HIBADH: variants seen among roughly 807,000 people sequenced by gnomAD.
The protein encoded by HIBADH is 3-hydroxyisobutyrate dehydrogenase, also known as 3-hydroxyisobutyrate dehydrogenase, mitochondrial.
HIBADH carries 25 observed loss-of-function variants against 36.1 expected under a neutral mutation model. The ratio of observed to expected loss-of-function variants is 0.69; its 90% CI spans 0.50 to 0.97. HIBADH has a LOEUF of 0.97. Ranked by LOEUF, HIBADH falls within the 50% of genes least tolerant of loss-of-function variation. The pLI is 0.00. For missense variants in HIBADH, 421 were observed against 418.0 expected (o/e 1.01, Z -0.06); for synonymous variants, 160 against 149.5 (o/e 1.07, Z -0.51).
intron 4 of HIBADH, among the ~76,000 whole-genome samples, chr7:27,628,899 C>T (rs553326242): frequency 1.5e-3 from 233 of 152,124 alleles, no homozygotes; most frequent in Middle Eastern, 0.01. Flanking sequence ...TTCCTCTTTT[C>T]CTGTTCTCTG....
chr7:27,551,389 T>C (rs1035284711), intron 4 of HIBADH, among the ~76,000 whole-genome samples: 15 of 152,322 alleles, frequency 9.8e-5, no homozygotes, highest in African/African-American at 3.4e-4. Flanking sequence ...CATACTAACT[T>C]TGACACTCAA....
chr7:27,660,626 A>G (rs942623891), intron 1 of HIBADH, among the ~76,000 whole-genome samples: 2 of 152,020 alleles, frequency 1.3e-5, no homozygotes, highest in African/African-American at 4.8e-5. Context: ...GATTGCGCCA[A>G]TGCACTCTAG....
intron 5 of HIBADH, among the ~76,000 whole-genome samples, chr7:27,540,404 G>A (rs1375239525): frequency 6.6e-6 from 1 of 152,078 alleles, no homozygotes; most frequent in Non-Finnish European, 1.5e-5. Flanking sequence ...ATTAATCCAA[G>A]ATCCATATCT....
chr7:27,620,954 A>G (rs1047798628), intron 4 of HIBADH, among the ~76,000 whole-genome samples: 2 of 152,144 alleles, frequency 1.3e-5, no homozygotes, highest in African/African-American at 4.8e-5. Flanking sequence ...TGGATTTAAA[A>G]AAAAAAACAA....
intron 4 of HIBADH, among the ~76,000 whole-genome samples, chr7:27,573,515 A>C (rs758125043): frequency 2.0e-5 from 3 of 152,216 alleles, no homozygotes; most frequent in Admixed American, 6.5e-5. Flanking sequence ...TATTCTAACA[A>C]AGTGGCTGAT....
chr7:27,594,167 CAG>C (rs1784990579), intron 4 of HIBADH, among the ~76,000 whole-genome samples: 1 of 126,608 alleles, frequency 7.9e-6, no homozygotes, highest in African/African-American at 2.9e-5. Context: ...TTTTCTGAAA[CAG>C]AGTTTCGCTC....
intron 4 of HIBADH, among the ~76,000 whole-genome samples, chr7:27,544,976 T>C (rs191089442): frequency 3.9e-5 from 6 of 152,342 alleles, no homozygotes; most frequent in African/African-American, 9.6e-5. Context: ...TCTTTCCTCA[T>C]ATTGATGTGG....
At chr7:27,645,136 T>C (rs1265255947) in intron 2 of HIBADH, among the ~76,000 whole-genome samples, 2 of 152,182 alleles carry the variant, frequency 1.3e-5, no homozygotes, top group African/African-American at 4.8e-5. Context: ...TCCGTGTGGA[T>C]ACAAATTTTT....
chr7:27,610,907 A>G (rs62454870), intron 4 of HIBADH, among the ~76,000 whole-genome samples: 31,189 of 152,176 alleles, frequency 0.2, 4,198 homozygotes, highest in East Asian at 0.53. Context: ...TATCCAGTTC[A>G]GTGAGCAGTA....
Position 27,629,470 on chromosome 7 carries a change from A to G in HIBADH, c.385T>C (p.Leu129=). The change falls in exon 4 of 8, where the codon TTA becomes CTA. Residue 129 remains leucine, a synonymous_variant. Transcript: ENST00000265395. ...ILKKVKKGSL[L]IDSSTIDPAV... is the part of the protein sequence containing the mutation. ...GGATCAATAGTGCTGGAATCTATTA[A>G]TAATGAGCCCTTCTTCACTTTTCTA... is the stretch of plus-strand genomic sequence containing the variant. 1 of 1,597,418 alleles carries G rather than the reference A, an allele frequency of 6.3e-7. No homozygotes were observed. The highest frequency in any genetic ancestry group is 8.5e-7 in the Non-Finnish European group (1 of 1,170,126).
intron 2 of HIBADH, among the ~76,000 whole-genome samples, chr7:27,645,276 T>G (rs1481720316): frequency 6.6e-6 from 1 of 151,678 alleles, no homozygotes; most frequent in Non-Finnish European, 1.5e-5. Context: ...CCACTAGCAG[T>G]GTATGAGGGC....
At chr7:27,548,145 A>G (rs1345611203) in intron 4 of HIBADH, among the ~76,000 whole-genome samples, 2 of 151,592 alleles carry the variant, frequency 1.3e-5, no homozygotes, top group Non-Finnish European at 1.5e-5. Context: ...TATAGTGGAG[A>G]AGCACTTTTA....
chr7:27,653,562 C>T (rs1413945185), intron 1 of HIBADH, among the ~76,000 whole-genome samples: 5 of 152,096 alleles, frequency 3.3e-5, no homozygotes, highest in African/African-American at 9.6e-5. Context: ...GGTGAAACCC[C>T]GTCTCTACTA....
chr7:27,641,434 C>T (rs985503384), intron 2 of HIBADH, among the ~76,000 whole-genome samples: 1 of 152,126 alleles, frequency 6.6e-6, no homozygotes, highest in African/African-American at 2.4e-5. Context: ...ATGTATGAGT[C>T]AACTCAAATA....
At chr7:27,553,844 T>C (rs527558823) in intron 4 of HIBADH, among the ~76,000 whole-genome samples, 3 of 152,194 alleles carry the variant, frequency 2.0e-5, no homozygotes, top group Admixed American at 6.5e-5. Context: ...TTAAAAGTCA[T>C]TTTTATTTTT....
At chr7:27,626,558 T>C (rs1001154387) in intron 4 of HIBADH, among the ~76,000 whole-genome samples, 1 of 152,186 alleles carries the variant, frequency 6.6e-6, no homozygotes, top group African/African-American at 2.4e-5. Context: ...TGTTATTCCA[T>C]AGGCTAGAAA....
chr7:27,563,325 G>A (rs1474842877), intron 4 of HIBADH, among the ~76,000 whole-genome samples: 2 of 152,136 alleles, frequency 1.3e-5, no homozygotes, highest in East Asian at 1.9e-4. Context: ...TTTTTAAGTC[G>A]TTTTCAGTTT....
At chr7:27,557,874 C>T (rs1319265062) in intron 4 of HIBADH, among the ~76,000 whole-genome samples, 2 of 152,186 alleles carry the variant, frequency 1.3e-5, no homozygotes, top group African/African-American at 4.8e-5. Flanking sequence ...CTAAGTATTA[C>T]TTGAAGACTA....
Position 27,574,427 on chromosome 7 carries a change from T to C in HIBADH, c.485-31327A>G, listed in dbSNP as rs181884777. On this transcript the variant is annotated intron_variant, in intron 4 of 7. Coordinates refer to ENST00000265395, the MANE Select transcript of HIBADH (RefSeq NM_152740.4). ...AGGGATATTCTCAATATATGTGAGG[T>C]TGAAAATAATAGGGACCTAAATATA... Among the ~76,000 whole-genome samples, 4 of 152,224 alleles carry C rather than the reference T, an allele frequency of 2.6e-5. No homozygotes were observed. In the East Asian group the frequency reaches 7.7e-4, roughly 29 times the overall value.
Sources: allele counts gnomAD v4.1 joint callset (sites outside exome capture counted in the v4.1 genomes callset), GRCh38; gene constraint gnomAD v4.1.1; transcripts MANE v1.5; gene names NCBI Gene and HGNC (gene_info 2026-07-23, HGNC 2026-07-21).